Variants in AKAP13 observed in about 807,000 individuals in gnomAD.
The protein encoded by AKAP13 is A-kinase anchor protein 13.
In AKAP13, 80 loss-of-function variants were observed where a neutral mutation model predicts 264.5. That is an observed-to-expected ratio of 0.30 (90% confidence interval 0.25 to 0.36). AKAP13 has a LOEUF of 0.36. Ranked by LOEUF, AKAP13 falls within the 10% of genes least tolerant of loss-of-function variation. AKAP13 has a pLI of 1.00. For synonymous variants in AKAP13, 1,380 were observed against 1,250.2 expected, an observed-to-expected ratio of 1.10 and a Z score of -2.19; for missense variants, 3,712 against 3,435.2, an observed-to-expected ratio of 1.08 and a Z score of -2.01.
chr15:85,409,331 C>A (rs774471422), intron 1 of AKAP13, among the ~76,000 whole-genome samples: 28 of 151,582 alleles, frequency 1.8e-4, no homozygotes, highest in Non-Finnish European at 3.4e-4. Context: ...AGTGCACCAC[C>A]ACACCCAGCT....
In AKAP13 at chr15:85,744,797, C is replaced by T. The variant is rs531439071; in HGVS notation, c.*120C>T. The T allele has an allele frequency of 3.8e-4, 352 of 916,282 alleles. 3 individuals carry two copies. The South Asian group carries it at 5.8e-3, about 15-fold the overall frequency. 56.8% of individuals were successfully genotyped at this position (916,282 alleles called of 1,614,324 possible). On this transcript the variant is annotated 3_prime_UTR_variant, in exon 37 of 37. Transcript: ENST00000394518. ...CCACTGCTCCTCAGCGTCCAGTCCT[C>T]CTGGGCGGCCCCAGGTCCTGGACAA... is the stretch of plus-strand genomic sequence containing the variant.
chr15:85,631,059 G>A (rs919471428), intron 8 of AKAP13, among the ~76,000 whole-genome samples: 1 of 151,842 alleles, frequency 6.6e-6, no homozygotes, highest in African/African-American at 2.4e-5. Flanking sequence ...TAAGTAAAAT[G>A]TGGATATATC....
intron 3 of AKAP13, among the ~76,000 whole-genome samples, chr15:85,526,897 C>T (rs2077066644): frequency 6.6e-6 from 1 of 151,740 alleles, no homozygotes; most frequent in South Asian, 2.1e-4. Context: ...ACTGGAAAAA[C>T]AGAGTGAGAA....
At chr15:85,511,028 G>GA (rs1339155350) in intron 2 of AKAP13, among the ~76,000 whole-genome samples, 2 of 151,922 alleles carry the variant, frequency 1.3e-5, no homozygotes, top group African/African-American at 4.8e-5. Context: ...GATATGTTAT[G>GA]AAAAAACCCA....
At chr15:85,405,266 C>A (rs1473393360) in intron 1 of AKAP13, among the ~76,000 whole-genome samples, 1 of 152,070 alleles carries the variant, frequency 6.6e-6, no homozygotes, top group Non-Finnish European at 1.5e-5. Context: ...GTTAGTCTTT[C>A]CCCTTTTACT....
chr15:85,725,790 C>G lies in AKAP13; in HGVS notation c.6746-620C>G, dbSNP rs2087582361. On this transcript the variant is annotated intron_variant, in intron 26 of 36. Transcript: ENST00000394518. ...CCTACTCCTAGAGGATTAGTCAGAG[C>G]TAGAGTTTAAGCTGACTATTGCATA... Among the ~76,000 whole-genome samples, 4 of 152,312 alleles carry G rather than the reference C, an allele frequency of 2.6e-5. No homozygotes were observed. In the South Asian group the frequency reaches 8.3e-4, roughly 32 times the overall value.
rs529635595 is a variant in AKAP13 at position 85,644,461 on chromosome 15, C to T, written c.4238-1357C>T. On this transcript the variant is annotated intron_variant, in intron 9 of 36. Transcript: ENST00000394518. ...TTCACCATGTTGACCAGGCTGTTCT[C>T]GAACTCTGGCCGCAGGTGATCCGCC... is the stretch of plus-strand genomic sequence containing the variant. Among the ~76,000 whole-genome samples the T allele has an allele frequency of 1.5e-3, 222 of 151,422 alleles. 1 individual carries two copies. The highest frequency in any genetic ancestry group is 3.9e-3 in the Admixed American group (60 of 15,254).
At chr15:85,398,035 T>C (rs1215011401) in intron 1 of AKAP13, among the ~76,000 whole-genome samples, 1 of 152,188 alleles carries the variant, frequency 6.6e-6, no homozygotes, top group African/African-American at 2.4e-5. Context: ...CTGGACTTGC[T>C]CAGGGTCACA....
chr15:85,385,457 A>G (rs561794178), intron 1 of AKAP13, among the ~76,000 whole-genome samples: 2 of 152,294 alleles, frequency 1.3e-5, no homozygotes, highest in South Asian at 4.1e-4. Context: ...TGACAGGTGT[A>G]TACATTCATA....
At chr15:85,401,752 G>T (rs191157924) in intron 1 of AKAP13, among the ~76,000 whole-genome samples, 1 of 152,266 alleles carries the variant, frequency 6.6e-6, no homozygotes, top group Admixed American at 6.5e-5. Context: ...TTAGGGATCT[G>T]GGATAAACAA....
chr15:85,560,686 A>C (rs1421158681), intron 5 of AKAP13, among the ~76,000 whole-genome samples: 1 of 152,126 alleles, frequency 6.6e-6, no homozygotes, highest in East Asian at 1.9e-4. Context: ...TTATTCAACT[A>C]ATATTGAATA....
At chr15:85,532,738 A>T (rs1161237331) in intron 3 of AKAP13, among the ~76,000 whole-genome samples, 1 of 152,256 alleles carries the variant, frequency 6.6e-6, no homozygotes, top group Non-Finnish European at 1.5e-5. Flanking sequence ...GGTCTTACCC[A>T]TAGACACGTG....
chr15:85,690,997 A>T (rs767013171), intron 16 of AKAP13, among the ~76,000 whole-genome samples: 2 of 152,216 alleles, frequency 1.3e-5, no homozygotes, highest in Non-Finnish European at 2.9e-5. Context: ...GTAACTGTTC[A>T]GATTTTTAGC....
At position 85,718,411 on chromosome 15, in the gene AKAP13, A is replaced by G. The variant is rs1227916565; in HGVS notation, c.6001+252A>G. On this transcript the variant is annotated intron_variant, in intron 22 of 36. Coordinates refer to ENST00000394518, the MANE Select transcript of AKAP13 (RefSeq NM_007200.5). The surrounding 1 kb of genome is among the most constrained non-coding windows in gnomAD (Gnocchi z 4.9). ...ACTTATTTATACAGCAGTCCTAGAA[A>G]GAGATATCTCAGTTTTTTTCCTTAC... Among the ~76,000 whole-genome samples the G allele has an allele frequency of 2.0e-5, 3 of 152,166 alleles. No homozygotes were observed. Among genetic ancestry groups the G allele is most frequent in the African/African-American group, 7.2e-5 (3 of 41,430 alleles).
At chr15:85,638,821 A>G (rs1005443119) in intron 8 of AKAP13, among the ~76,000 whole-genome samples, 6 of 151,354 alleles carry the variant, frequency 4.0e-5, no homozygotes, top group Non-Finnish European at 7.4e-5. Context: ...CAGTGGCGCG[A>G]TCTCTGCTCA....
intron 27 of AKAP13, 51 bp downstream of exon 27, chr15:85,726,537 T>A: frequency 1.3e-6 from 2 of 1,487,868 alleles, no homozygotes; most frequent in South Asian, 2.3e-5. Flanking sequence ...CTAGTTTAGT[T>A]ATGGAATGTA....
rs11419433 is a variant in AKAP13, at chr15:85,525,058, A to ATTT, written c.181+3499_181+3501dup. Among the ~76,000 whole-genome samples the ATTT allele has an allele frequency of 2.8e-3, 364 of 129,470 alleles. 14 individuals are homozygous for ATTT. The highest frequency in any genetic ancestry group is 0.015 in the East Asian group (70 of 4,562). 84.9% of individuals were successfully genotyped at this position (129,470 alleles called of 152,430 possible). A position where few individuals can be genotyped will look rare whatever the true frequency, so the allele number is the denominator to read the frequency against. On this transcript the variant is annotated intron_variant, in intron 3 of 36. Transcript: ENST00000394518. ...GACTTTCTATTTTATCTATCTTTAA[A>ATTT]TTTTTTTTTTTTTTTTTTGAGATGG...
chr15:85,422,640 G>C (rs1402657729), intron 1 of AKAP13, among the ~76,000 whole-genome samples: 3 of 152,164 alleles, frequency 2.0e-5, no homozygotes, highest in Admixed American at 1.3e-4. Flanking sequence ...ATCCTTCTCT[G>C]TGCATACCTG....
chr15:85,703,187 GAC>G lies in AKAP13; in HGVS notation c.5465-4830_5465-4829del, dbSNP rs1459172875. Among the ~76,000 whole-genome samples the G allele has an allele frequency of 3.3e-5, 5 of 152,274 alleles. No individual in the cohort carries two copies. In the East Asian group the frequency reaches 9.7e-4, roughly 29 times the overall value. ...ATTTCATCAGAAAAGTTGCCCTCTA[GAC>G]AGTTTTCTGGCATTTATAGTTCATT... On this transcript the variant is annotated intron_variant, in intron 17 of 36. Coordinates refer to ENST00000394518, the MANE Select transcript of AKAP13 (RefSeq NM_007200.5).
Sources: allele counts gnomAD v4.1 joint callset (sites outside exome capture counted in the v4.1 genomes callset), GRCh38; gene constraint gnomAD v4.1.1; non-coding constraint Gnocchi (gnomAD v3.1); transcripts MANE v1.5; gene names NCBI Gene and HGNC (gene_info 2026-07-23, HGNC 2026-07-21).